The following MTMR12 variants were observed in gnomAD, a reference collection of about 807,000 sequenced individuals.
The protein encoded by MTMR12 is myotubularin-related protein 12.
MTMR12 carries 33 observed loss-of-function variants against 96.7 expected under a neutral mutation model. The observed-to-expected ratio is 0.34, with a 90% CI of 0.26 to 0.46. The LOEUF (loss-of-function observed/expected upper bound fraction) is 0.46. Among genes scored for constraint, MTMR12 ranks in the 20% least tolerant of loss-of-function variants. The pLI, the probability that MTMR12 is intolerant of heterozygous loss-of-function variation, is 1.00. For synonymous variants in MTMR12, 298 were observed against 327.2 expected, an observed-to-expected ratio of 0.91 and a Z score of 0.96; for missense variants, 721 against 896.1, an observed-to-expected ratio of 0.80 and a Z score of 2.49.
At position 32,310,922 on chromosome 5, in the gene MTMR12, G is replaced by A. The variant is rs113688893; in HGVS notation, c.81+1836C>T. ...GGAGTCTCGCTCTGTCGCCCAAGCT[G>A]TAGTGCAGTGGCGCGATCTCGGCTC... On this transcript the variant is annotated intron_variant, in intron 1 of 15. Coordinates refer to ENST00000382142, the MANE Select transcript of MTMR12 (RefSeq NM_001040446.3). 6.5e-3 allele frequency among the ~76,000 whole-genome samples: 969 copies of A among 148,050 alleles called. 7 individuals are homozygous for A. The highest frequency in any genetic ancestry group is 0.01 in the Non-Finnish European group (689 of 67,480).
At chr5:32,270,610 T>C (rs899498295) in intron 5 of MTMR12, among the ~76,000 whole-genome samples, 4 of 152,216 alleles carry the variant, frequency 2.6e-5, no homozygotes, top group Non-Finnish European at 5.9e-5. Flanking sequence ...AATTGAAGTA[T>C]TAAAGGTAGC....
chr5:32,262,374 G>A (rs1186280329), intron 7 of MTMR12, among the ~76,000 whole-genome samples: 1 of 152,200 alleles, frequency 6.6e-6, no homozygotes, highest in Admixed American at 6.5e-5. Context: ...GCCGAGGTGA[G>A]AGGATCGCTT....
intron 2 of MTMR12, among the ~76,000 whole-genome samples, chr5:32,276,210 T>C (rs564842943): frequency 6.6e-6 from 1 of 152,366 alleles, no homozygotes; most frequent in South Asian, 2.1e-4. Flanking sequence ...CAGGGCGAAG[T>C]GCTGGCAGCC....
Position 32,230,017 on chromosome 5 carries a change from C to G in MTMR12, c.2005G>C (p.Glu669Gln). Residue 669 changes from glutamate to glutamine, a missense_variant, in exon 16 of 16, where the codon GAG (glutamate) becomes CAG (glutamine). Glu to Gln is a conservative substitution (Grantham distance 29). Coordinates refer to ENST00000382142, the MANE Select transcript of MTMR12 (RefSeq NM_001040446.3). ...TTCTCTTGTAAACTCTGGACTTCCT[C>G]CATCATTTCCAAGAGTTTGCTCAGA... Reference protein sequence around the residue: ...ATLSKLLEMMEEVQSLQEKID... With the variant: ...ATLSKLLEMMQEVQSLQEKID... 6.2e-7 allele frequency: 1 copy of G among 1,613,662 alleles called. No individual in the cohort carries two copies. The highest frequency in any genetic ancestry group is 8.5e-7 in the Non-Finnish European group (1 of 1,179,602).
At chr5:32,279,397 G>C (rs1313110057) in intron 1 of MTMR12, among the ~76,000 whole-genome samples, 1 of 151,978 alleles carries the variant, frequency 6.6e-6, no homozygotes, top group African/African-American at 2.4e-5. Flanking sequence ...TCCAGCCTGA[G>C]AAACAGAGCA....
At chr5:32,262,015 T>C (rs1167609101) in intron 7 of MTMR12, among the ~76,000 whole-genome samples, 2 of 151,988 alleles carry the variant, frequency 1.3e-5, no homozygotes, top group Non-Finnish European at 2.9e-5. Flanking sequence ...GAGCTTACAG[T>C]GGACCGAGAT....
intron 7 of MTMR12, among the ~76,000 whole-genome samples, chr5:32,262,637 C>A (rs905764913): frequency 6.6e-6 from 1 of 151,814 alleles, no homozygotes; most frequent in African/African-American, 2.4e-5. Flanking sequence ...AACAAAAAAC[C>A]AAAAAACATT....
At chr5:32,241,106 T>C (rs1748452052) in intron 12 of MTMR12, among the ~76,000 whole-genome samples, 1 of 152,236 alleles carries the variant, frequency 6.6e-6, no homozygotes. Flanking sequence ...GTTCTGGCCC[T>C]GAGTCCTTCC....
intron 1 of MTMR12, among the ~76,000 whole-genome samples, chr5:32,279,096 A>AG (rs1750180703): frequency 1.0e-4 from 14 of 137,232 alleles, no homozygotes; most frequent in South Asian, 9.1e-4. Context: ...AAAAAAAAAA[A>AG]AAAAAAAAAA....
At chr5:32,268,866 G>A (rs1749711527) in intron 5 of MTMR12, 72 bp from the exon 6 acceptor site, 1 of 1,282,340 alleles carries the variant, frequency 7.8e-7, no homozygotes, top group African/African-American at 1.5e-5. Flanking sequence ...AAGAGTCAAG[G>A]TGTCTAAGTT....
At chr5:32,306,374 C>A (rs544859034) in intron 1 of MTMR12, among the ~76,000 whole-genome samples, 2 of 152,232 alleles carry the variant, frequency 1.3e-5, no homozygotes, top group East Asian at 3.9e-4. Flanking sequence ...CACAGAAGTG[C>A]CTAATAAATA....
chr5:32,248,623 A>G, intron 9 of MTMR12, 149 bp downstream of exon 9: 2 of 631,124 alleles, frequency 3.2e-6, no homozygotes, highest in Non-Finnish European at 5.5e-6. Context: ...ACTCCTTTCA[A>G]ATTAACTCAA....
intron 4 of MTMR12, 104 bp downstream of exon 4, chr5:32,271,729 G>T: frequency 1.6e-6 from 1 of 638,704 alleles, no homozygotes; most frequent in Non-Finnish European, 2.4e-6. Flanking sequence ...GATGATATAT[G>T]TGAAAAAATT....
rs181632611 is a variant in MTMR12 at position 32,311,758 on chromosome 5, C to T, written c.81+1000G>A. 2.2e-3 allele frequency among the ~76,000 whole-genome samples: 339 copies of T among 152,320 alleles called. 3 individuals carry two copies. Among genetic ancestry groups the T allele is most frequent in the African/African-American group, 7.5e-3 (310 of 41,574 alleles). ...GCCTCTGCCATGCTGGCTTCCTTGA[C>T]GCTCCGCCAACCCTTCAGACACACT... On this transcript the variant is annotated intron_variant, in intron 1 of 15. Coordinates refer to ENST00000382142, the MANE Select transcript of MTMR12 (RefSeq NM_001040446.3).
At position 32,229,700 on chromosome 5, in the gene MTMR12, G is replaced by T; in HGVS notation, c.*78C>A. On this transcript the variant is annotated 3_prime_UTR_variant, in exon 16 of 16. Coordinates refer to ENST00000382142, the MANE Select transcript of MTMR12 (RefSeq NM_001040446.3). ...CGGGCTAAGGACCCAGCCAGCATGAGCTGTAGCGTGACACAAATCCAGGGA... is the reference window on the plus strand; with the variant it reads ...CGGGCTAAGGACCCAGCCAGCATGATCTGTAGCGTGACACAAATCCAGGGA... 7.1e-7 allele frequency: 1 copy of T among 1,407,636 alleles called. No individual in the cohort carries two copies. The highest frequency in any genetic ancestry group is 9.5e-7 in the Non-Finnish European group (1 of 1,057,370). 87.2% of individuals were successfully genotyped at this position (1,407,636 alleles called of 1,614,324 possible).
intron 2 of MTMR12, among the ~76,000 whole-genome samples, chr5:32,275,504 G>C (rs1316990926): frequency 6.6e-6 from 1 of 152,180 alleles, no homozygotes; most frequent in Non-Finnish European, 1.5e-5. Context: ...GCATGCACTA[G>C]CTAATACAAC....
chr5:32,282,779 AG>A (rs1353647044), intron 1 of MTMR12, among the ~76,000 whole-genome samples: 1 of 152,252 alleles, frequency 6.6e-6, no homozygotes, highest in East Asian at 1.9e-4. Context: ...TTGGGTGGGT[AG>A]GAAGGACGGA....
Position 32,276,717 on chromosome 5 carries a change from A to G in MTMR12, c.107T>C (p.Val36Ala). 6.2e-7 allele frequency: 1 copy of G among 1,613,908 alleles called. No individual in the cohort carries two copies. Among genetic ancestry groups the G allele is most frequent in the South Asian group, 1.1e-5 (1 of 91,074 alleles). ...PEEIHTNEKEVTEKEVTLHLL... is the reference protein window; with the variant it reads ...PEEIHTNEKEATEKEVTLHLL... The stretch of plus-strand genomic sequence containing the variant: ...GTGAAGAGTTACTTCCTTCTCTGTT[A>G]CTTCCTTTTCGTTTGTGTGAATTTC... Residue 36 changes from valine to alanine, a missense_variant, in exon 2 of 16, where the codon GTA becomes GCA. Val to Ala is a moderately conservative substitution (Grantham distance 64, BLOSUM62 0). Transcript: ENST00000382142.
rs560067236 is a variant in MTMR12 at position 32,308,195 on chromosome 5, G to A, written c.81+4563C>T. Among the ~76,000 whole-genome samples, 35 of 152,184 alleles carry A rather than the reference G, an allele frequency of 2.3e-4. 1 individual carries two copies. Among genetic ancestry groups the A allele is most frequent in the African/African-American group, 7.5e-4 (31 of 41,524 alleles). On this transcript the variant is annotated intron_variant, in intron 1 of 15. Transcript: ENST00000382142. ...ACATTAGCTGGGTGTGGTGGTGCACGCCTGTAGTCCCAGCTACTCAGGAGG... is the reference window on the plus strand; with the variant it reads ...ACATTAGCTGGGTGTGGTGGTGCACACCTGTAGTCCCAGCTACTCAGGAGG...
Sources: allele counts gnomAD v4.1 joint callset (sites outside exome capture counted in the v4.1 genomes callset), GRCh38; gene constraint gnomAD v4.1.1; transcripts MANE v1.5; gene names NCBI Gene and HGNC (gene_info 2026-07-23, HGNC 2026-07-21).